The following CLIP4 variants were observed in gnomAD, a reference collection of about 807,000 sequenced individuals.
CLIP4 encodes the protein CAP-Gly domain-containing linker protein 4.
CLIP4 carries 47 observed loss-of-function variants against 73.1 expected under a neutral mutation model. That is an observed-to-expected ratio of 0.64 (90% CI 0.51 to 0.82). CLIP4 has a LOEUF of 0.82. CLIP4 is among the 40% of genes least tolerant of loss of function. The probability of loss-of-function intolerance (pLI) is 0.00; values close to 1 mark genes in which losing one functional copy is unlikely to be tolerated. For synonymous variants in CLIP4, 306 were observed against 295.4 expected (o/e 1.04, Z -0.37); for missense variants, 874 against 852.9 (o/e 1.02, Z -0.31).
chr2:29,136,362 C>T (rs1665359585), intron 6 of CLIP4, among the ~76,000 whole-genome samples: 1 of 152,026 alleles, frequency 6.6e-6, no homozygotes, highest in South Asian at 2.1e-4. Flanking sequence ...CTATTTTTCC[C>T]ATTTTCCCTA....
intron 14 of CLIP4, among the ~76,000 whole-genome samples, chr2:29,168,378 T>C (rs1667764191): frequency 6.6e-6 from 1 of 152,096 alleles, no homozygotes; most frequent in Admixed American, 6.6e-5. Flanking sequence ...TTTGTCAATT[T>C]CATGTGTGGC....
chr2:29,133,924 A>G (rs1665164576), intron 5 of CLIP4, 108 bp downstream of exon 5: 21 of 899,294 alleles, frequency 2.3e-5, no homozygotes, highest in Non-Finnish European at 3.3e-5. Flanking sequence ...CTTGTTTCAT[A>G]TGCCTTTCTA....
intron 6 of CLIP4, among the ~76,000 whole-genome samples, chr2:29,136,986 A>G (rs1407277960): frequency 6.6e-6 from 1 of 152,026 alleles, no homozygotes; most frequent in Admixed American, 6.6e-5. Context: ...ATGGGTCAGC[A>G]GTAGCCCTCA....
At chr2:29,158,034 C>T (rs1358156164) in intron 11 of CLIP4, among the ~76,000 whole-genome samples, 1 of 152,128 alleles carries the variant, frequency 6.6e-6, no homozygotes, top group South Asian at 2.1e-4. Context: ...ATATTCATGA[C>T]AGATTTCTAA....
intron 7 of CLIP4, 145 bp from the exon 8 acceptor site, chr2:29,145,082 AAAAAG>A (rs1398989438): frequency 1.7e-5 from 10 of 579,560 alleles, no homozygotes; most frequent in Non-Finnish European, 3.0e-5. Context: ...TACCAAGCAT[AAAAAG>A]GTAATGTTGA....
intron 2 of CLIP4, among the ~76,000 whole-genome samples, chr2:29,124,641 C>G (rs1397504038): frequency 6.6e-6 from 1 of 151,788 alleles, no homozygotes; most frequent in Non-Finnish European, 1.5e-5. Context: ...ATTTTTTTCT[C>G]TTTATTTTGG....
At chr2:29,147,336 T>C (rs1238058130) in intron 8 of CLIP4, among the ~76,000 whole-genome samples, 1 of 152,108 alleles carries the variant, frequency 6.6e-6, no homozygotes, top group African/African-American at 2.4e-5. Flanking sequence ...AAAGGATGAG[T>C]TTTAAAATAC....
intron 5 of CLIP4, among the ~76,000 whole-genome samples, chr2:29,135,268 T>C (rs1176841673): frequency 1.3e-5 from 2 of 152,198 alleles, no homozygotes; most frequent in Admixed American, 6.5e-5. Flanking sequence ...TTTACAGATA[T>C]GAATTTTTGC....
intron 13 of CLIP4, 90 bp from the exon 14 acceptor site, chr2:29,167,386 C>T: frequency 1.3e-6 from 1 of 758,788 alleles, no homozygotes; most frequent in Non-Finnish European, 2.1e-6. Context: ...TGATGAATGA[C>T]TACAATTGGT....
intron 10 of CLIP4, among the ~76,000 whole-genome samples, chr2:29,156,712 A>G (rs969965948): frequency 6.6e-6 from 1 of 152,222 alleles, no homozygotes. Flanking sequence ...ATTCCATAAT[A>G]TAGAGCACTC....
chr2:29,171,458 T>C (rs1667995088), intron 14 of CLIP4, among the ~76,000 whole-genome samples: 1 of 152,174 alleles, frequency 6.6e-6, no homozygotes, highest in Admixed American at 6.5e-5. Flanking sequence ...GTCCATTGAC[T>C]TGTAACCTTT....
At chr2:29,118,979 C>T (rs1664069295) in intron 1 of CLIP4, among the ~76,000 whole-genome samples, 1 of 152,138 alleles carries the variant, frequency 6.6e-6, no homozygotes, top group Non-Finnish European at 1.5e-5. Context: ...TCTTCAGATC[C>T]AGGAATTGCT....
At chr2:29,145,671 G>A (rs933825750) in intron 8 of CLIP4, among the ~76,000 whole-genome samples, 6 of 152,086 alleles carry the variant, frequency 3.9e-5, no homozygotes, top group African/African-American at 9.7e-5. Flanking sequence ...TAGATCAGGC[G>A]CAGCTTTCCA....
intron 1 of CLIP4, among the ~76,000 whole-genome samples, chr2:29,100,179 C>T (rs532351776): frequency 4.3e-4 from 65 of 152,172 alleles, no homozygotes; most frequent in Non-Finnish European, 8.2e-4. Flanking sequence ...ATCCGCCCAC[C>T]GTGGCCTCCC....
intron 12 of CLIP4, among the ~76,000 whole-genome samples, chr2:29,162,164 C>A (rs1667336491): frequency 6.6e-6 from 1 of 152,108 alleles, no homozygotes; most frequent in South Asian, 2.1e-4. Flanking sequence ...TGGTTTGATT[C>A]TTTGGATATA....
At chr2:29,132,687 C>T (rs746373308) in intron 4 of CLIP4, 1 of 156,046 alleles carries the variant, frequency 6.4e-6, no homozygotes, top group Non-Finnish European at 1.4e-5. Flanking sequence ...TTGTATGAAC[C>T]TGCATCTCTT....
At chr2:29,147,014 G>A (rs1428634839) in intron 8 of CLIP4, among the ~76,000 whole-genome samples, 1 of 152,112 alleles carries the variant, frequency 6.6e-6, no homozygotes, top group Non-Finnish European at 1.5e-5. Context: ...TTATAAAAAT[G>A]CTGATTGTAT....
rs143858280 is a variant in CLIP4 at position 29,159,761 on chromosome 2, A to G, written c.1400-572A>G. On this transcript the variant is annotated intron_variant, in intron 11 of 15. Transcript: ENST00000320081. ...TACACTGAGTCTAAGTGAACTATTAATACTATAATTCTAGTATTTTAGTAG... is the reference window on the plus strand; with the variant it reads ...TACACTGAGTCTAAGTGAACTATTAGTACTATAATTCTAGTATTTTAGTAG... Among the ~76,000 whole-genome samples, 81 of 152,180 alleles carry G rather than the reference A, an allele frequency of 5.3e-4. 1 individual carries two copies. The East Asian group carries it at 0.013, about 25-fold the overall frequency.
intron 1 of CLIP4, among the ~76,000 whole-genome samples, chr2:29,118,873 A>G (rs545503791): frequency 1.4e-3 from 208 of 152,270 alleles, no homozygotes; most frequent in African/African-American, 4.7e-3. Flanking sequence ...ATAATCAGTT[A>G]TCACCAGTTA....
Sources: allele counts gnomAD v4.1 joint callset (sites outside exome capture counted in the v4.1 genomes callset), GRCh38; gene constraint gnomAD v4.1.1; transcripts MANE v1.5; gene names NCBI Gene and HGNC (gene_info 2026-07-23, HGNC 2026-07-21).